DLG2: variants seen among roughly 807,000 people sequenced by gnomAD.
DLG2 encodes the protein disks large homolog 2.
DLG2 carries 45 observed loss-of-function variants against 132.5 expected under a neutral mutation model. The ratio of observed to expected loss-of-function variants is 0.34; its 90% confidence interval spans 0.27 to 0.44. The LOEUF is 0.44. Ranked by LOEUF, DLG2 falls within the 20% of genes least tolerant of loss-of-function variation. The pLI is 1.00. For synonymous variants in DLG2, 424 were observed against 419.6 expected (o/e 1.01, Z -0.13); for missense variants, 1,045 against 1,196.9 (o/e 0.87, Z 1.87).
At chr11:85,125,384 G>A (rs1031367621) in intron 5 of DLG2, among the ~76,000 whole-genome samples, 1 of 152,146 alleles carries the variant, frequency 6.6e-6, no homozygotes, top group Non-Finnish European at 1.5e-5. Flanking sequence ...GTTAACAGAT[G>A]ATTGGTATGA....
intron 18 of DLG2, among the ~76,000 whole-genome samples, chr11:83,730,293 TGAGTA>T (rs1332607534): frequency 6.6e-6 from 1 of 152,126 alleles, no homozygotes; most frequent in Admixed American, 6.6e-5. Context: ...AAAATTTCAC[TGAGTA>T]GATACCTTGT....
At chr11:83,841,656 G>A (rs976797628) in intron 16 of DLG2, among the ~76,000 whole-genome samples, 1 of 152,212 alleles carries the variant, frequency 6.6e-6, no homozygotes, top group African/African-American at 2.4e-5. Flanking sequence ...TGGTACATAA[G>A]AGGTGCTCAC....
chr11:84,780,997 CAAAA>C (rs372443245), intron 6 of DLG2, among the ~76,000 whole-genome samples: 5 of 93,958 alleles, frequency 5.3e-5, no homozygotes, highest in Non-Finnish European at 6.4e-5. Context: ...CAGGATTGTA[CAAAA>C]AAAAAAAAAA....
chr11:85,212,859 C>G (rs1007955006), intron 4 of DLG2, among the ~76,000 whole-genome samples: 3 of 152,102 alleles, frequency 2.0e-5, no homozygotes, highest in African/African-American at 4.8e-5. Flanking sequence ...CTTTCTCATC[C>G]TATTACCTCA....
At chr11:83,706,604 G>A (rs532567520) in intron 18 of DLG2, among the ~76,000 whole-genome samples, 2 of 152,294 alleles carry the variant, frequency 1.3e-5, no homozygotes, top group East Asian at 1.9e-4. Context: ...GAGGAAGCAG[G>A]GAAACCTTCT....
intron 6 of DLG2, among the ~76,000 whole-genome samples, chr11:84,892,605 A>G (rs1469958515): frequency 6.6e-6 from 1 of 152,080 alleles, no homozygotes; most frequent in Non-Finnish European, 1.5e-5. Flanking sequence ...AATATATTTT[A>G]TAATAAAAAT....
At chr11:84,201,232 T>G (rs1390540026) in intron 8 of DLG2, among the ~76,000 whole-genome samples, 3 of 152,242 alleles carry the variant, frequency 2.0e-5, no homozygotes, top group Non-Finnish European at 2.9e-5. Context: ...GTTCTGTTTA[T>G]GTGATGAATC....
intron 11 of DLG2, among the ~76,000 whole-genome samples, chr11:84,050,115 T>C (rs1468163131): frequency 1.3e-5 from 2 of 149,834 alleles, no homozygotes; most frequent in African/African-American, 4.9e-5. Context: ...ACAGAGTGCC[T>C]AAAATGCTAC....
intron 6 of DLG2, among the ~76,000 whole-genome samples, chr11:84,892,911 A>G (rs954961548): frequency 2.6e-5 from 4 of 152,174 alleles, no homozygotes; most frequent in East Asian, 1.9e-4. Flanking sequence ...GAAAAAACAA[A>G]CCAGAGAATA....
chr11:84,535,288 C>T (rs937829751), intron 6 of DLG2, among the ~76,000 whole-genome samples: 3 of 152,110 alleles, frequency 2.0e-5, no homozygotes, highest in East Asian at 1.9e-4. Flanking sequence ...TTACTTCACC[C>T]GCTAGGAGAA....
intron 6 of DLG2, among the ~76,000 whole-genome samples, chr11:84,603,256 T>TA (rs1293495607): frequency 6.6e-6 from 1 of 151,988 alleles, no homozygotes; most frequent in African/African-American, 2.4e-5. Context: ...TGTGGCCAGG[T>TA]TATTTATATC....
At position 83,464,932 on chromosome 11, in the gene DLG2, C is replaced by T. The variant is rs552698236; in HGVS notation, c.2729+1776G>A. 4.6e-5 allele frequency among the ~76,000 whole-genome samples: 7 copies of T among 152,284 alleles called. No homozygotes were observed. The East Asian group carries it at 7.7e-4, about 17-fold the overall frequency. ...TAGCATTACTTATATTTATGAGGCT[C>T]TTGACAGATTATAAATCAATTTTAC... On this transcript the variant is annotated intron_variant, in intron 26 of 27. Coordinates refer to ENST00000376104, the MANE Select transcript of DLG2 (RefSeq NM_001142699.3).
rs189283968 is a variant in DLG2 at position 83,699,479 on chromosome 11, G to A, written c.1826-66154C>T. Among the ~76,000 whole-genome samples, 558 of 151,362 alleles carry A rather than the reference G, an allele frequency of 3.7e-3. 5 individuals are homozygous for A. The highest frequency in any genetic ancestry group is 0.013 in the African/African-American group (518 of 41,274). The stretch of plus-strand genomic sequence containing the variant: ...TGGGAGGCTGAGGCAGGCGGATCAC[G>A]AGGTCAGGAGATCGAGACCATCCTG... On this transcript the variant is annotated intron_variant, in intron 18 of 27. Transcript: ENST00000376104.
intron 6 of DLG2, among the ~76,000 whole-genome samples, chr11:84,710,137 T>A (rs947087753): frequency 3.3e-5 from 5 of 151,962 alleles, no homozygotes; most frequent in African/African-American, 1.2e-4. Context: ...TATAGATTAA[T>A]TCATGTCAAG....
At chr11:85,112,409 TAC>T (rs1282560375) in intron 5 of DLG2, among the ~76,000 whole-genome samples, 2 of 152,048 alleles carry the variant, frequency 1.3e-5, no homozygotes, top group Non-Finnish European at 2.9e-5. Context: ...TTAAAAATAA[TAC>T]AGTGCTTTAC....
At chr11:83,870,225 A>C (rs934889949) in intron 16 of DLG2, among the ~76,000 whole-genome samples, 2 of 152,200 alleles carry the variant, frequency 1.3e-5, no homozygotes, top group Non-Finnish European at 1.5e-5. Flanking sequence ...TAGTGTATCC[A>C]TCAACAGAAT....
At chr11:85,582,691 A>AAAAAAAAAAAAAAAC (rs2078625376) in intron 3 of DLG2, among the ~76,000 whole-genome samples, 2 of 137,550 alleles carry the variant, frequency 1.5e-5, no homozygotes, top group African/African-American at 2.7e-5. Flanking sequence ...AAAAAAAAAA[A>AAAAAAAAAAAAAAAC]AAAAAAAAAA....
intron 6 of DLG2, among the ~76,000 whole-genome samples, chr11:85,069,041 A>G (rs577449571): frequency 7.2e-5 from 11 of 152,198 alleles, no homozygotes; most frequent in South Asian, 4.2e-4. Context: ...GACAAAAACA[A>G]GAAATGGGGA....
intron 4 of DLG2, among the ~76,000 whole-genome samples, chr11:85,206,903 C>CA (rs548249849): frequency 2.2e-4 from 33 of 151,746 alleles, no homozygotes; most frequent in South Asian, 8.3e-4. Flanking sequence ...TTTTTTGTCA[C>CA]AAAAAAAATC....
Sources: gnomAD v4.1 joint callset for allele counts (sites outside exome capture counted in the v4.1 genomes callset) on GRCh38, gnomAD v4.1.1 for gene constraint, MANE v1.5 for transcripts, NCBI Gene and HGNC (gene_info 2026-07-23, HGNC 2026-07-21) for gene names.